The following GPAT3 variants were observed in gnomAD, a reference collection of about 807,000 sequenced individuals.
The protein encoded by GPAT3 is glycerol-3-phosphate acyltransferase 3.
In GPAT3, 53 loss-of-function variants were observed where a neutral mutation model predicts 58.8. The ratio of observed to expected loss-of-function variants is 0.90; its 90% CI spans 0.72 to 1.13. GPAT3 has a LOEUF of 1.13. Among genes scored for constraint, GPAT3 ranks in the 50% most tolerant of loss-of-function variants. GPAT3 has a pLI of 0.00. For missense variants in GPAT3, 511 were observed against 527.6 expected, an observed-to-expected ratio of 0.97 and a Z score of 0.31; for synonymous variants, 197 against 187.4, an observed-to-expected ratio of 1.05 and a Z score of -0.42.
At position 83,536,215 on chromosome 4, in the gene GPAT3, TCTG is replaced by T. The variant is rs1724075140; in HGVS notation, c.-404_-402del. ...GCTCGGGGAGGGCCTCCGTGAGTCA[TCTG>T]CTGAGTTGTCGCAATCGCCACCCAG... On this transcript the variant is annotated 5_prime_UTR_variant, in exon 1 of 12. Coordinates refer to ENST00000264409, the MANE Select transcript of GPAT3 (RefSeq NM_032717.5). 1 of 991,416 alleles carries T rather than the reference TCTG, an allele frequency of 1.0e-6. No homozygotes were observed. Among genetic ancestry groups the T allele is most frequent in the East Asian group, 1.1e-4 (1 of 9,038 alleles). The allele number at this position is 991,416 out of a possible 1,614,324, so 61.4% of individuals were successfully genotyped here. A position where few individuals can be genotyped will look rare whatever the true frequency, so the allele number is the denominator to read the frequency against.
At chr4:83,549,625 C>T (rs1050775393) in intron 2 of GPAT3, among the ~76,000 whole-genome samples, 93 of 149,876 alleles carry the variant, frequency 6.2e-4, no homozygotes, top group African/African-American at 2.2e-3. Context: ...CTCTGCCTCC[C>T]GGGTTCCAGC....
At chr4:83,570,720 G>T (rs557226741) in intron 2 of GPAT3, among the ~76,000 whole-genome samples, 1 of 152,052 alleles carries the variant, frequency 6.6e-6, no homozygotes, top group Non-Finnish European at 1.5e-5. Flanking sequence ...TGATCCACCC[G>T]CCTTGGCCTC....
chr4:83,592,976 C>T (rs1160121977), intron 6 of GPAT3, among the ~76,000 whole-genome samples: 1 of 151,318 alleles, frequency 6.6e-6, no homozygotes, highest in Non-Finnish European at 1.5e-5. Context: ...AAGTGATTCT[C>T]CTGCCTTAGC....
intron 1 of GPAT3, 122 bp from the exon 2 acceptor site, chr4:83,544,414 G>A: frequency 1.1e-6 from 1 of 945,948 alleles, no homozygotes; most frequent in Non-Finnish European, 1.7e-6. Context: ...CCTGGGGTTA[G>A]CTCTTTAGTT....
At chr4:83,578,857 T>TTTCCTTCC (rs140483935) in intron 2 of GPAT3, among the ~76,000 whole-genome samples, 2,875 of 144,340 alleles carry the variant, frequency 0.02, 99 homozygotes, top group African/African-American at 0.066. Flanking sequence ...AACTTACTTT[T>TTTCCTTCC]TTCCTTCCTT....
chr4:83,547,472 T>C (rs1022848643), intron 2 of GPAT3, among the ~76,000 whole-genome samples: 54 of 151,642 alleles, frequency 3.6e-4, no homozygotes, highest in Admixed American at 2.8e-3. Context: ...CAGGATGGTC[T>C]CGATCTCCTG....
At chr4:83,560,429 G>T (rs1424660271) in intron 2 of GPAT3, among the ~76,000 whole-genome samples, 6 of 151,030 alleles carry the variant, frequency 4.0e-5, no homozygotes, top group African/African-American at 1.5e-4. Flanking sequence ...TTTTTTTTTT[G>T]TATTTTTTTG....
chr4:83,564,061 T>C (rs751564876), intron 2 of GPAT3, among the ~76,000 whole-genome samples: 2 of 152,126 alleles, frequency 1.3e-5, no homozygotes, highest in Non-Finnish European at 2.9e-5. Context: ...TCAGAGAACA[T>C]GTGTGATTTG....
chr4:83,575,617 T>C (rs1277447123), intron 2 of GPAT3, among the ~76,000 whole-genome samples: 1 of 152,000 alleles, frequency 6.6e-6, no homozygotes, highest in East Asian at 1.9e-4. Flanking sequence ...GGTTTCACTG[T>C]GTTAGCCAGG....
Position 83,605,781 on chromosome 4 carries a change from C to T in GPAT3, c.*1014C>T, listed in dbSNP as rs1727232313. On this transcript the variant is annotated 3_prime_UTR_variant, in exon 12 of 12. Coordinates refer to ENST00000264409, the MANE Select transcript of GPAT3 (RefSeq NM_032717.5). ...GCAATGTTTGACAGCAATATAATGCCGTTGTAAACTACTGAGAGTATTGTA... is the reference window on the plus strand; with the variant it reads ...GCAATGTTTGACAGCAATATAATGCTGTTGTAAACTACTGAGAGTATTGTA... 2 of 152,490 alleles carry T rather than the reference C, an allele frequency of 1.3e-5. No individual in the cohort carries two copies. Among genetic ancestry groups the T allele is most frequent in the African/African-American group, 4.8e-5 (2 of 41,388 alleles). The allele number at this position is 152,490 out of a possible 1,614,324, so 9.4% of individuals were successfully genotyped here. A position where few individuals can be genotyped will look rare whatever the true frequency, so the allele number is the denominator to read the frequency against.
intron 2 of GPAT3, among the ~76,000 whole-genome samples, chr4:83,575,917 A>G (rs1725795757): frequency 6.6e-6 from 1 of 152,192 alleles, no homozygotes; most frequent in Non-Finnish European, 1.5e-5. Context: ...AAACAATGGA[A>G]TTCTCCTAGG....
Position 83,598,830 on chromosome 4 carries a change from ATGATCATAGTTCACTGTAGCC to A in GPAT3, c.1205+130_1205+150del, listed in dbSNP as rs965820416. 233 of 752,718 alleles carry A rather than the reference ATGATCATAGTTCACTGTAGCC, an allele frequency of 3.1e-4. 1 individual carries two copies. The East Asian group carries it at 6.0e-3, about 19-fold the overall frequency. 46.6% of individuals were successfully genotyped at this position (752,718 alleles called of 1,614,324 possible). ...TTTACCCAGGCTGGAGTGCAGTAGCATGATCATAGTTCACTGTAGCCTGATCATAGTTCACTGTAGCCTTGA... is the reference window on the plus strand; with the variant it reads ...TTTACCCAGGCTGGAGTGCAGTAGCATGATCATAGTTCACTGTAGCCTTGA... On this transcript the variant is annotated intron_variant, in intron 11 of 11. Coordinates refer to ENST00000264409, the MANE Select transcript of GPAT3 (RefSeq NM_032717.5).
intron 2 of GPAT3, among the ~76,000 whole-genome samples, chr4:83,548,971 G>A (rs996096253): frequency 7.3e-5 from 11 of 151,548 alleles, no homozygotes; most frequent in Non-Finnish European, 1.0e-4. Context: ...TTGAAATCCT[G>A]TATACATTGA....
At chr4:83,562,210 ATT>A (rs1725176610) in intron 2 of GPAT3, among the ~76,000 whole-genome samples, 3 of 23,730 alleles carry the variant, frequency 1.3e-4, no homozygotes, top group African/African-American at 8.1e-4. Flanking sequence ...ATATATATAT[ATT>A]ATATATATAT....
At chr4:83,598,302 T>A (rs942595401) in intron 10 of GPAT3, 123 bp downstream of exon 10, 17 of 1,282,334 alleles carry the variant, frequency 1.3e-5, no homozygotes, top group South Asian at 6.8e-5. Context: ...GTCATTTTTT[T>A]AATGATGTAT....
intron 1 of GPAT3, among the ~76,000 whole-genome samples, chr4:83,543,117 A>T (rs1037439237): frequency 2.0e-5 from 3 of 152,194 alleles, no homozygotes; most frequent in Admixed American, 1.3e-4. Context: ...CTGGTCGACA[A>T]GGTGAAACCC....
At chr4:83,568,729 G>C (rs138047922) in intron 2 of GPAT3, among the ~76,000 whole-genome samples, 5 of 151,856 alleles carry the variant, frequency 3.3e-5, no homozygotes, top group African/African-American at 1.2e-4. Flanking sequence ...GGATAGGCTC[G>C]ATCTCCTGAC....
chr4:83,551,293 AAAG>A (rs1424519638), intron 2 of GPAT3, among the ~76,000 whole-genome samples: 5 of 152,222 alleles, frequency 3.3e-5, no homozygotes, highest in Admixed American at 1.3e-4. Flanking sequence ...TATTGAGAGA[AAAG>A]AAAATATATA....
At chr4:83,584,766 A>G (rs530468528) in intron 3 of GPAT3, among the ~76,000 whole-genome samples, 69 of 152,352 alleles carry the variant, frequency 4.5e-4, no homozygotes, top group African/African-American at 1.0e-3. Flanking sequence ...TTGGCTTCCC[A>G]AAGTGCTGGG....
Sources: gnomAD v4.1 joint callset for allele counts (sites outside exome capture counted in the v4.1 genomes callset) on GRCh38, gnomAD v4.1.1 for gene constraint, MANE v1.5 for transcripts, NCBI Gene and HGNC (gene_info 2026-07-23, HGNC 2026-07-21) for gene names.